The following SUSD4 variants were observed in gnomAD, a reference collection of about 807,000 sequenced individuals.
SUSD4 encodes the protein sushi domain containing 4.
A neutral mutation model predicts 50.5 loss-of-function variants in SUSD4; 41 were observed. That is an observed-to-expected ratio of 0.81 (90% CI 0.63 to 1.05). The LOEUF (loss-of-function observed/expected upper bound fraction) is 1.05, where lower values mean the gene tolerates loss of function less well. Among genes scored for constraint, SUSD4 ranks in the 50% least tolerant of loss-of-function variants. SUSD4 has a pLI of 0.00. For missense variants in SUSD4, 580 were observed against 634.7 expected (o/e 0.91, Z 0.93); for synonymous variants, 257 against 257.3 (o/e 1.00, Z 0.01).
chr1:223,278,117 G>T (rs1174718793), intron 3 of SUSD4, among the ~76,000 whole-genome samples: 1 of 152,170 alleles, frequency 6.6e-6, no homozygotes, highest in Non-Finnish European at 1.5e-5. Flanking sequence ...AACAGCTCCG[G>T]TCTATGGTTC....
intron 8 of SUSD4, 59 bp downstream of exon 8, chr1:223,223,190 G>A: frequency 6.7e-7 from 1 of 1,498,288 alleles, no homozygotes. Context: ...GAGCTGGCTT[G>A]AAGATGCTGG....
At chr1:223,297,913 G>C (rs554741349) in intron 2 of SUSD4, among the ~76,000 whole-genome samples, 1 of 152,026 alleles carries the variant, frequency 6.6e-6, no homozygotes, top group Admixed American at 6.6e-5. Flanking sequence ...CAGGTGGATG[G>C]ATGGACAGGT....
chr1:223,287,369 A>G (rs902754008), intron 3 of SUSD4, among the ~76,000 whole-genome samples: 2 of 152,114 alleles, frequency 1.3e-5, no homozygotes, highest in African/African-American at 4.8e-5. Flanking sequence ...GAGCCACCGC[A>G]CCCAGCCCAG....
chr1:223,270,571 G>A (rs552113979), intron 3 of SUSD4, among the ~76,000 whole-genome samples: 1 of 152,172 alleles, frequency 6.6e-6, no homozygotes, highest in East Asian at 1.9e-4. Context: ...GCGAAAAGGG[G>A]TTTTCTTTTC....
intron 3 of SUSD4, among the ~76,000 whole-genome samples, chr1:223,273,908 T>C (rs1330650824): frequency 6.6e-6 from 1 of 152,206 alleles, no homozygotes; most frequent in Non-Finnish European, 1.5e-5. Flanking sequence ...TGTGCTTTCA[T>C]TGTAAAAAGC....
chr1:223,249,348 C>T (rs1384775890), intron 5 of SUSD4, among the ~76,000 whole-genome samples: 1 of 152,166 alleles, frequency 6.6e-6, no homozygotes, highest in Non-Finnish European at 1.5e-5. Flanking sequence ...TCAGCAAACC[C>T]GTCTATTATC....
rs1193802934 is a variant in SUSD4, at chr1:223,231,324, A to G, written c.725-1936T>C. Among the ~76,000 whole-genome samples the G allele has an allele frequency of 6.6e-6, 1 of 152,122 alleles. No individual in the cohort carries two copies. Among genetic ancestry groups the G allele is most frequent in the East Asian group, 1.9e-4 (1 of 5,162 alleles). On this transcript the variant is annotated intron_variant, in intron 5 of 8. Transcript: ENST00000366878. The surrounding 1 kb of genome is among the most constrained non-coding windows in gnomAD (Gnocchi z 4.2). Reference sequence around the variant, plus strand: ...AGCCTGTCTAGATCTGGTGCAGTGCAGGGAAGGTCCAGGGCAGATCTGAGG... The same window carrying G: ...AGCCTGTCTAGATCTGGTGCAGTGCGGGGAAGGTCCAGGGCAGATCTGAGG...
intron 2 of SUSD4, among the ~76,000 whole-genome samples, chr1:223,336,640 C>T (rs554830483): frequency 6.6e-6 from 1 of 152,092 alleles, no homozygotes; most frequent in Admixed American, 6.5e-5. Context: ...CCTCTATGGA[C>T]TTGTATGAAC....
chr1:223,304,163 C>T (rs916078959), intron 2 of SUSD4, among the ~76,000 whole-genome samples: 4 of 152,166 alleles, frequency 2.6e-5, no homozygotes, highest in Non-Finnish European at 4.4e-5. Flanking sequence ...CCACAAGGGT[C>T]GCATTCCATT....
chr1:223,325,896 C>T (rs150107152), intron 2 of SUSD4, among the ~76,000 whole-genome samples: 154 of 152,224 alleles, frequency 1.0e-3, no homozygotes, highest in African/African-American at 3.5e-3. Context: ...GAAACATATC[C>T]CATGCTCATG....
intron 5 of SUSD4, chr1:223,235,240 G>A: frequency 1.1e-6 from 1 of 881,086 alleles, no homozygotes; most frequent in South Asian, 1.8e-5. Flanking sequence ...GCAATATTGA[G>A]CAGAAGGTAC....
At chr1:223,233,973 C>A (rs778275355) in intron 5 of SUSD4, among the ~76,000 whole-genome samples, 2 of 152,166 alleles carry the variant, frequency 1.3e-5, no homozygotes, top group Non-Finnish European at 2.9e-5. Context: ...TTCCTGTCCC[C>A]GAGGTGTGAA....
intron 3 of SUSD4, among the ~76,000 whole-genome samples, chr1:223,278,600 A>C (rs1227525264): frequency 6.6e-6 from 1 of 152,236 alleles, no homozygotes; most frequent in African/African-American, 2.4e-5. Context: ...CCACTGCTCA[A>C]GGAGGCCTGC....
rs563098280 is a variant in SUSD4 at position 223,235,909 on chromosome 1, A to ACATAG, written c.725-6522_725-6521insCTATG. 4.8e-3 allele frequency among the ~76,000 whole-genome samples: 732 copies of ACATAG among 152,262 alleles called. 21 individuals carry two copies. The East Asian group carries it at 0.11, about 22-fold the overall frequency. ...AGAAGGATTGCTGGATCATGTAAGAATACATTTAGTTTTGTAAGAAGCCAT... is the reference window on the plus strand; with the variant it reads ...AGAAGGATTGCTGGATCATGTAAGAACATAGTACATTTAGTTTTGTAAGAAGCCAT... On this transcript the variant is annotated intron_variant, in intron 5 of 8. Coordinates refer to ENST00000366878, the MANE Select transcript of SUSD4 (RefSeq NM_017982.4).
chr1:223,223,162 T>G, intron 8 of SUSD4, 87 bp downstream of exon 8: 1 of 1,474,872 alleles, frequency 6.8e-7, no homozygotes, highest in Non-Finnish European at 9.0e-7. Flanking sequence ...TGCTGGGGGG[T>G]GGAGCGTGCG....
intron 2 of SUSD4, among the ~76,000 whole-genome samples, chr1:223,338,013 T>C (rs1448697417): frequency 6.6e-6 from 1 of 152,176 alleles, no homozygotes; most frequent in Non-Finnish European, 1.5e-5. Context: ...TTTAAAAAGG[T>C]GAATGGAAAT....
chr1:223,317,039 T>C (rs1666234539), intron 2 of SUSD4, among the ~76,000 whole-genome samples: 1 of 152,164 alleles, frequency 6.6e-6, no homozygotes. Context: ...CCATCTTGAC[T>C]AGGAGCTGGA....
At chr1:223,276,131 G>C (rs1278050522) in intron 3 of SUSD4, among the ~76,000 whole-genome samples, 1 of 152,188 alleles carries the variant, frequency 6.6e-6, no homozygotes, top group African/African-American at 2.4e-5. Flanking sequence ...TTCATAAGTA[G>C]CCAACATAAT....
intron 5 of SUSD4, among the ~76,000 whole-genome samples, chr1:223,249,382 T>C (rs978913023): frequency 2.0e-5 from 3 of 152,234 alleles, no homozygotes; most frequent in Admixed American, 1.3e-4. Context: ...AAGTTAAATG[T>C]TGCTAGTGTA....
Sources: allele counts gnomAD v4.1 joint callset (sites outside exome capture counted in the v4.1 genomes callset), GRCh38; gene constraint gnomAD v4.1.1; non-coding constraint Gnocchi (gnomAD v3.1); transcripts MANE v1.5; gene names NCBI Gene and HGNC (gene_info 2026-07-23, HGNC 2026-07-21).